LSM14A: variants seen among roughly 807,000 people sequenced by gnomAD.
LSM14A encodes LSM14A mRNA processing body assembly factor, also known as protein LSM14 homolog A.
LSM14A carries 14 observed loss-of-function variants against 52.4 expected under a neutral mutation model. The ratio of observed to expected loss-of-function variants is 0.27; its 90% confidence interval spans 0.18 to 0.42. The LOEUF is 0.42. Among genes scored for constraint, LSM14A ranks in the 10% least tolerant of loss-of-function variants. LSM14A has a pLI of 1.00. For missense variants in LSM14A, 417 were observed against 581.8 expected, an observed-to-expected ratio of 0.72 and a Z score of 2.91; for synonymous variants, 185 against 200.3, an observed-to-expected ratio of 0.92 and a Z score of 0.64.
At chr19:34,192,316 G>GTGTTTTTTTTTTTTTTTTTTT (rs2070442714) in intron 1 of LSM14A, among the ~76,000 whole-genome samples, 1 of 65,822 alleles carries the variant, frequency 1.5e-5, no homozygotes, top group African/African-American at 5.8e-5. Context: ...CATTCTTTTT[G>GTGTTTTTTTTTTTTTTTTTTT]TTGTTTTTTT....
In LSM14A at chr19:34,208,997, G is replaced by A. The variant is rs2071923822; in HGVS notation, c.484G>A (p.Val162Ile). ...NSGTLPQSSA[V>I]GSAFTQDTRS... Reference sequence around the variant, plus strand: ...TGGTACCTTACCCCAAAGTAGTGCGGTTGGTTCTGCCTTTACACAGGATAC... The same window carrying A: ...TGGTACCTTACCCCAAAGTAGTGCGATTGGTTCTGCCTTTACACAGGATAC... Residue 162 changes from valine to isoleucine, a missense_variant, in exon 4 of 10, where the codon GTT (valine) becomes ATT (isoleucine). Coordinates refer to ENST00000544216, the MANE Select transcript of LSM14A (RefSeq NM_015578.4). The A allele has an allele frequency of 3.1e-6, 5 of 1,611,730 alleles. No individual in the cohort carries two copies. Among genetic ancestry groups the A allele is most frequent in the African/African-American group, 1.3e-5 (1 of 74,886 alleles).
intron 4 of LSM14A, among the ~76,000 whole-genome samples, chr19:34,214,433 T>C (rs2072422003): frequency 6.6e-6 from 1 of 152,010 alleles, no homozygotes; most frequent in African/African-American, 2.4e-5. Flanking sequence ...CTCAGCCTCC[T>C]GAGTAGCTGG....
rs2073457911 is a variant in LSM14A at position 34,228,636 on chromosome 19, A to G, written c.*1248A>G. On this transcript the variant is annotated 3_prime_UTR_variant, in exon 10 of 10. Coordinates refer to ENST00000544216, the MANE Select transcript of LSM14A (RefSeq NM_015578.4). Reference sequence around the variant, plus strand: ...TATAAATTACTAGTGAATCTTTTTGATATTTTAAGCTCTAGTGGGAAAAAT... The same window carrying G: ...TATAAATTACTAGTGAATCTTTTTGGTATTTTAAGCTCTAGTGGGAAAAAT... 1 of 152,616 alleles carries G rather than the reference A, an allele frequency of 6.6e-6. No individual in the cohort carries two copies. The highest frequency in any genetic ancestry group is 2.4e-5 in the African/African-American group (1 of 41,430). The allele number at this position is 152,616 out of a possible 1,614,324, so 9.5% of individuals were successfully genotyped here. A position where few individuals can be genotyped will look rare whatever the true frequency, so the allele number is the denominator to read the frequency against.
rs62102132 is a variant in LSM14A, at chr19:34,193,149, G to C, written c.122-1329G>C. On this transcript the variant is annotated intron_variant, in intron 1 of 9. Coordinates refer to ENST00000544216, the MANE Select transcript of LSM14A (RefSeq NM_015578.4). The stretch of plus-strand genomic sequence containing the variant: ...AAACTTATGTATTTATAAGAAACTT[G>C]GGGATTTGGTTATTTTATTTACTTA... Among the ~76,000 whole-genome samples, 1,370 of 152,146 alleles carry C rather than the reference G, an allele frequency of 9.0e-3. 10 individuals carry two copies. The highest frequency in any genetic ancestry group is 0.014 in the Non-Finnish European group (935 of 68,002).
At chr19:34,223,442 A>G (rs963700948) in intron 9 of LSM14A, among the ~76,000 whole-genome samples, 1 of 151,984 alleles carries the variant, frequency 6.6e-6, no homozygotes, top group Non-Finnish European at 1.5e-5. Flanking sequence ...CCGCATCTCT[A>G]TCTGCACTGT....
intron 4 of LSM14A, among the ~76,000 whole-genome samples, chr19:34,212,479 T>A (rs1215705423): frequency 6.6e-6 from 1 of 152,208 alleles, no homozygotes; most frequent in East Asian, 1.9e-4. Flanking sequence ...TTTAAATAGA[T>A]TAAAATGTTA....
At chr19:34,206,579 G>T (rs1047860836) in intron 3 of LSM14A, among the ~76,000 whole-genome samples, 9 of 152,046 alleles carry the variant, frequency 5.9e-5, no homozygotes, top group African/African-American at 2.2e-4. Flanking sequence ...GGAGGCTGAG[G>T]CAGGAGAATC....
rs113903997 is a variant in LSM14A, at chr19:34,202,126, G to GTTT, written c.415+5380_415+5382dup. On this transcript the variant is annotated intron_variant, in intron 3 of 9. Transcript: ENST00000544216. The stretch of plus-strand genomic sequence containing the variant: ...CACCCTTATTATTGCTTTTTAGTAA[G>GTTT]TTTTTTTTTTTTTTTTTTTCCATTT... Among the ~76,000 whole-genome samples the GTTT allele has an allele frequency of 8.3e-4, 99 of 119,550 alleles. 1 individual carries two copies. The highest frequency in any genetic ancestry group is 2.5e-3 in the African/African-American group (80 of 31,700). 78.4% of individuals were successfully genotyped at this position (119,550 alleles called of 152,430 possible).
intron 1 of LSM14A, among the ~76,000 whole-genome samples, chr19:34,192,319 G>GTTGTTTTTTTTTTTTTTTTTTT (rs60512063): frequency 1.1e-4 from 6 of 53,410 alleles, no homozygotes; most frequent in African/African-American, 4.9e-4. Context: ...TCTTTTTGTT[G>GTTGTTTTTTTTTTTTTTTTTTT]TTTTTTTTTT....
At chr19:34,194,777 G>A in intron 2 of LSM14A, 136 bp downstream of exon 2, 5 of 783,566 alleles carry the variant, frequency 6.4e-6, no homozygotes, top group Non-Finnish European at 8.6e-6. Context: ...ACTGGATAAT[G>A]TTCTCATCTA....
rs771019167 is a variant in LSM14A, at chr19:34,215,090, T to C, written c.539-34T>C. The C allele has an allele frequency of 4.5e-6, 7 of 1,556,680 alleles. No homozygotes were observed. In the South Asian group the frequency reaches 8.3e-5, roughly 18 times the overall value. On this transcript the variant is annotated intron_variant, in intron 4 of 9. Transcript: ENST00000544216. ...GTCTAGATTATTTTGAAATCCCCAA[T>C]AGGGTAGTTTGTTATCTTTTGGTTA...
At chr19:34,179,862 C>T (rs1353041190) in intron 1 of LSM14A, among the ~76,000 whole-genome samples, 1 of 152,134 alleles carries the variant, frequency 6.6e-6, no homozygotes, top group Non-Finnish European at 1.5e-5. Context: ...ATTTGTCTTT[C>T]TCTCATGATG....
chr19:34,216,718 G>A (rs374735831), intron 6 of LSM14A, among the ~76,000 whole-genome samples: 90 of 152,046 alleles, frequency 5.9e-4, no homozygotes, highest in African/African-American at 2.0e-3. Context: ...TCAGCCTCCC[G>A]AAGTATTGGG....
rs1294982013 is a variant in LSM14A, at chr19:34,227,962, C to T, written c.*574C>T. Reference sequence around the variant, plus strand: ...TATGTACACACAGTAAATACTGTTTCTTAGGCAAAGGTAACTTTTTTATAT... The same window carrying T: ...TATGTACACACAGTAAATACTGTTTTTTAGGCAAAGGTAACTTTTTTATAT... On this transcript the variant is annotated 3_prime_UTR_variant, in exon 10 of 10. Transcript: ENST00000544216. 1 of 152,470 alleles carries T rather than the reference C, an allele frequency of 6.6e-6. No homozygotes were observed. The highest frequency in any genetic ancestry group is 2.4e-5 in the African/African-American group (1 of 41,386). 9.4% of individuals were successfully genotyped at this position (152,470 alleles called of 1,614,324 possible).
At chr19:34,225,353 TTTAA>T (rs141482595) in intron 9 of LSM14A, among the ~76,000 whole-genome samples, 7,128 of 152,266 alleles carry the variant, frequency 0.047, 314 homozygotes, top group East Asian at 0.22. Context: ...ACCTGGCACC[TTTAA>T]AGGTAGAAAA....
intron 3 of LSM14A, among the ~76,000 whole-genome samples, chr19:34,199,117 ATTATTTAT>A (rs569671773): frequency 9.2e-5 from 14 of 151,958 alleles, no homozygotes; most frequent in South Asian, 2.1e-4. Flanking sequence ...TATTGGTGTT[ATTATTTAT>A]TTATTTATTT....
chr19:34,179,432 A>G (rs925487236), intron 1 of LSM14A, among the ~76,000 whole-genome samples: 2 of 152,252 alleles, frequency 1.3e-5, no homozygotes, highest in East Asian at 3.8e-4. Context: ...TCACAAAATT[A>G]CTATCTAAAA....
Position 34,209,041 on chromosome 19 carries a change from G to A in LSM14A, c.528G>A (p.Gln176=). Residue 176 remains glutamine, a synonymous_variant, in exon 4 of 10, where the codon CAG becomes CAA. Coordinates refer to ENST00000544216, the MANE Select transcript of LSM14A (RefSeq NM_015578.4). ...AGGATACAAGATCTCTAAAAACACA[G>A]TTATCTCAAGGTAAGCTATCTCATC... ...FTQDTRSLKT[Q]LSQGRSSPQL... 1 of 1,573,740 alleles carries A rather than the reference G, an allele frequency of 6.4e-7. No homozygotes were observed. The highest frequency in any genetic ancestry group is 8.6e-7 in the Non-Finnish European group (1 of 1,157,872).
chr19:34,215,620 C>A lies in LSM14A; in HGVS notation c.740C>A (p.Pro247Gln). The A allele has an allele frequency of 6.2e-7, 1 of 1,613,638 alleles. No homozygotes were observed. ...GCTGAAGTACACAAAGTTTCAAGGC[C>A]AGAAAATGAGCAACTCAGAAATGAT... The part of the protein sequence containing the change: ...RRAEVHKVSR[P>Q]ENEQLRNDNK... The change falls in exon 6 of 10, where the codon CCA (proline) becomes CAA (glutamine). Residue 247 changes from proline to glutamine, a missense_variant. Physicochemically the swap from Pro to Gln is moderately conservative, Grantham distance 76. Transcript: ENST00000544216.
Sources: allele counts gnomAD v4.1 joint callset (sites outside exome capture counted in the v4.1 genomes callset), GRCh38; gene constraint gnomAD v4.1.1; transcripts MANE v1.5; gene names NCBI Gene and HGNC (gene_info 2026-07-23, HGNC 2026-07-21).